The following COL9A1 variants were observed in gnomAD, a reference collection of about 807,000 sequenced individuals.
The protein encoded by COL9A1 is collagen type IX alpha 1 chain, also known as collagen alpha-1(IX) chain.
Under a neutral mutation model 142.6 loss-of-function variants are expected in COL9A1, and 104 were observed. The observed-to-expected ratio is 0.73, with a 90% confidence interval of 0.62 to 0.86. COL9A1 has a LOEUF of 0.86. COL9A1 is among the 40% of genes least tolerant of loss of function. The probability of loss-of-function intolerance (pLI) is 0.00; values close to 1 mark genes in which losing one functional copy is unlikely to be tolerated. For synonymous variants in COL9A1, 466 were observed against 396.0 expected, an observed-to-expected ratio of 1.18 and a Z score of -2.10; for missense variants, 1,210 against 1,176.6, an observed-to-expected ratio of 1.03 and a Z score of -0.42.
intron 32 of COL9A1, among the ~76,000 whole-genome samples, 180 bp downstream of exon 32, chr6:70,240,509 G>A (rs1770179257): frequency 6.6e-6 from 1 of 151,682 alleles, no homozygotes; most frequent in South Asian, 2.1e-4. Context: ...GGAGACTTTT[G>A]TTAGCTGATA....
chr6:70,281,907 T>C (rs1239982208), intron 7 of COL9A1, among the ~76,000 whole-genome samples: 2 of 152,176 alleles, frequency 1.3e-5, no homozygotes, highest in Non-Finnish European at 1.5e-5. Flanking sequence ...CCAGGATCTT[T>C]GTCCAGTAGA....
chr6:70,300,700 G>A (rs1451359326), intron 2 of COL9A1, among the ~76,000 whole-genome samples: 1 of 152,154 alleles, frequency 6.6e-6, no homozygotes, highest in Non-Finnish European at 1.5e-5. Flanking sequence ...CTGGGAAAAT[G>A]TTCGTTTTGA....
rs775433295 is a variant in COL9A1, at chr6:70,303,012, G to C, written c.-88C>G. 22 of 1,367,912 alleles carry C rather than the reference G, an allele frequency of 1.6e-5. No individual in the cohort carries two copies. The highest frequency in any genetic ancestry group is 2.2e-5 in the Non-Finnish European group (21 of 956,014). The allele number at this position is 1,367,912 out of a possible 1,614,324, so 84.7% of individuals were successfully genotyped here. On this transcript the variant is annotated 5_prime_UTR_variant, in exon 1 of 38. Coordinates refer to ENST00000357250, the MANE Select transcript of COL9A1 (RefSeq NM_001851.6). ...ACTGTCCCCTCACGACCCCTTCACTGTTACCCTAGGACTATGTGTTCTGGG... is the reference window on the plus strand; with the variant it reads ...ACTGTCCCCTCACGACCCCTTCACTCTTACCCTAGGACTATGTGTTCTGGG...
chr6:70,272,151 A>G, intron 12 of COL9A1, 63 bp from the exon 13 acceptor site: 1 of 1,345,160 alleles, frequency 7.4e-7, no homozygotes, highest in Non-Finnish European at 1.1e-6. Flanking sequence ...ATATGAATGT[A>G]GACATAACTC....
chr6:70,283,554 C>T lies in COL9A1; in HGVS notation c.780+183G>A, dbSNP rs73745364. ...CAGGCTGCAGGTGGTTTCTACCCGCCAGGTCGAAAGTATGAAGTGTACTTC... is the reference window on the plus strand; with the variant it reads ...CAGGCTGCAGGTGGTTTCTACCCGCTAGGTCGAAAGTATGAAGTGTACTTC... On this transcript the variant is annotated intron_variant, in intron 6 of 37. Coordinates refer to ENST00000357250, the MANE Select transcript of COL9A1 (RefSeq NM_001851.6). 9.5e-3 allele frequency among the ~76,000 whole-genome samples: 1,453 copies of T among 152,310 alleles called. 17 individuals carry two copies. Among genetic ancestry groups the T allele is most frequent in the African/African-American group, 0.033 (1,367 of 41,562 alleles).
Position 70,294,521 on chromosome 6 carries a change from C to A in COL9A1, c.342G>T (p.Leu114Phe). Residue 114 changes from leucine (L) to phenylalanine (F), a missense_variant, in exon 5 of 38, where the codon TTG (leucine) becomes TTT (phenylalanine). Transcript: ENST00000357250. ...PSGLPEEYSFLTTFRMTGSTL... is the reference protein window; with the variant it reads ...PSGLPEEYSFFTTFRMTGSTL... ...TGCTTCCAGTCATTCGAAACGTCGT[C>A]AAGAAGGAGTATTCTTCAGGCAGTC... is the stretch of plus-strand genomic sequence containing the variant. 6.2e-7 allele frequency: 1 copy of A among 1,614,052 alleles called. No individual in the cohort carries two copies. The highest frequency in any genetic ancestry group is 1.1e-5 in the South Asian group (1 of 91,082).
intron 33 of COL9A1, among the ~76,000 whole-genome samples, chr6:70,235,971 G>A (rs573480669): frequency 1.8e-4 from 27 of 151,696 alleles, no homozygotes; most frequent in African/African-American, 4.6e-4. Flanking sequence ...AAAATTAGCC[G>A]GCGTAGTGGT....
intron 26 of COL9A1, among the ~76,000 whole-genome samples, chr6:70,253,084 T>G (rs1771055066): frequency 6.6e-6 from 1 of 152,214 alleles, no homozygotes; most frequent in Admixed American, 6.5e-5. Flanking sequence ...TGACATAAGT[T>G]CTGTGGCTTA....
At chr6:70,287,210 CA>C (rs1562328116) in intron 5 of COL9A1, among the ~76,000 whole-genome samples, 2 of 151,956 alleles carry the variant, frequency 1.3e-5, no homozygotes, top group South Asian at 2.1e-4. Flanking sequence ...CAACAAGTCC[CA>C]AGGGTAGGAA....
At position 70,263,986 on chromosome 6, in the gene COL9A1, C is replaced by A. The variant is rs77732738; in HGVS notation, c.1342-689G>T. Among the ~76,000 whole-genome samples the A allele has an allele frequency of 7.4e-3, 1,117 of 151,730 alleles. 22 individuals are homozygous for A. Among genetic ancestry groups the A allele is most frequent in the African/African-American group, 0.026 (1,060 of 41,444 alleles). ...CATCTTTTTTCTTTTTTCTTAGTAA[C>A]GGGCCACTCTTCCAATAATAGATTC... On this transcript the variant is annotated intron_variant, in intron 18 of 37. Transcript: ENST00000357250.
At chr6:70,284,838 C>T (rs1377115455) in intron 5 of COL9A1, among the ~76,000 whole-genome samples, 1 of 152,148 alleles carries the variant, frequency 6.6e-6, no homozygotes, top group African/African-American at 2.4e-5. Flanking sequence ...TTCTTTCATG[C>T]AATAGAGATT....
chr6:70,263,131 C>T, intron 19 of COL9A1, 113 bp downstream of exon 19: 4 of 815,862 alleles, frequency 4.9e-6, no homozygotes, highest in Non-Finnish European at 7.8e-6. Context: ...ATAGAGGACA[C>T]CAAGTTCATG....
intron 37 of COL9A1, among the ~76,000 whole-genome samples, chr6:70,217,660 A>G (rs962904032): frequency 3.9e-5 from 6 of 152,356 alleles, no homozygotes; most frequent in African/African-American, 1.4e-4. Context: ...TGCAAGTAGC[A>G]GTATTCCTTA....
In COL9A1 at chr6:70,281,387, T is replaced by C; in HGVS notation, c.876+3A>G. 1.2e-6 allele frequency: 2 copies of C among 1,610,516 alleles called. No homozygotes were observed. Among genetic ancestry groups the C allele is most frequent in the Non-Finnish European group, 1.7e-6 (2 of 1,178,460 alleles). Reference sequence around the variant, plus strand: ...CAGAGGTGGCCTGGAGATAGAAACTTACGTCGATGCCATCGATGCCTGGAA... The same window carrying C: ...CAGAGGTGGCCTGGAGATAGAAACTCACGTCGATGCCATCGATGCCTGGAA... On this transcript the variant is annotated splice_donor_region_variant and intron_variant, in intron 8 of 37. Transcript: ENST00000357250.
At position 70,265,418 on chromosome 6, in the gene COL9A1, G is replaced by A. The variant is rs577851903; in HGVS notation, c.1341+1299C>T. Reference sequence around the variant, plus strand: ...TATCTTTTGATGTAATTTAATATTCGTACACACTTGTTTTTTGTAGTTAAC... The same window carrying A: ...TATCTTTTGATGTAATTTAATATTCATACACACTTGTTTTTTGTAGTTAAC... On this transcript the variant is annotated intron_variant, in intron 18 of 37. Coordinates refer to ENST00000357250, the MANE Select transcript of COL9A1 (RefSeq NM_001851.6). 2.4e-4 allele frequency among the ~76,000 whole-genome samples: 36 copies of A among 147,712 alleles called. No individual in the cohort carries two copies. The East Asian group carries it at 2.9e-3, about 12-fold the overall frequency.
intron 17 of COL9A1, among the ~76,000 whole-genome samples, chr6:70,267,633 GT>G (rs1000993938): frequency 2.6e-5 from 4 of 152,094 alleles, no homozygotes; most frequent in African/African-American, 9.7e-5. Flanking sequence ...ACTGTGTACA[GT>G]TTTTAAGTGC....
At position 70,216,751 on chromosome 6, in the gene COL9A1, A is replaced by G. The variant is rs1396226769; in HGVS notation, c.*146T>C. 1.2e-6 allele frequency: 1 copy of G among 836,016 alleles called. No individual in the cohort carries two copies. 51.8% of individuals were successfully genotyped at this position (836,016 alleles called of 1,614,324 possible). A position where few individuals can be genotyped will look rare whatever the true frequency, so the allele number is the denominator to read the frequency against. On this transcript the variant is annotated 3_prime_UTR_variant, in exon 38 of 38. Coordinates refer to ENST00000357250, the MANE Select transcript of COL9A1 (RefSeq NM_001851.6). ...ACCGTTCTTCTATATGTGATTGTCA[A>G]GTAGGACTTCTGTAATCATACTGAA...
rs559371685 is a variant in COL9A1, at chr6:70,281,139, G to A, written c.877-100C>T. The A allele has an allele frequency of 4.0e-4, 418 of 1,039,066 alleles. 1 individual carries two copies. Among genetic ancestry groups the A allele is most frequent in the Middle Eastern group, 2.6e-3 (10 of 3,856 alleles). 64.4% of individuals were successfully genotyped at this position (1,039,066 alleles called of 1,614,324 possible). On this transcript the variant is annotated intron_variant, in intron 8 of 37. Transcript: ENST00000357250. Reference sequence around the variant, plus strand: ...GAGAGCTCACTTCACAGATGGGGATGGTGTAAGGGTCAAACGTGGAGGTTC... The same window carrying A: ...GAGAGCTCACTTCACAGATGGGGATAGTGTAAGGGTCAAACGTGGAGGTTC...
chr6:70,295,313 G>A (rs1404296314), intron 4 of COL9A1, among the ~76,000 whole-genome samples: 2 of 97,110 alleles, frequency 2.1e-5, no homozygotes, highest in East Asian at 7.1e-4. Context: ...TTTTTATGGA[G>A]TCTCACTTTG....
Sources: allele counts gnomAD v4.1 joint callset (sites outside exome capture counted in the v4.1 genomes callset), GRCh38; gene constraint gnomAD v4.1.1; transcripts MANE v1.5; gene names NCBI Gene and HGNC (gene_info 2026-07-23, HGNC 2026-07-21).